The following GALNTL6 variants were observed in gnomAD, a reference collection of about 807,000 sequenced individuals.
GALNTL6 encodes polypeptide N-acetylgalactosaminyltransferase like 6.
Under a neutral mutation model 73.7 loss-of-function variants are expected in GALNTL6, and 46 were observed. That is an observed-to-expected ratio of 0.62 (90% CI 0.49 to 0.80). The LOEUF (loss-of-function observed/expected upper bound fraction) is 0.80, where lower values mean the gene tolerates loss of function less well. Ranked by LOEUF, GALNTL6 falls within the 30% of genes least tolerant of loss-of-function variation. The probability of loss-of-function intolerance (pLI) is 0.00; values close to 1 mark genes in which losing one functional copy is unlikely to be tolerated. For synonymous variants in GALNTL6, 259 were observed against 263.7 expected (o/e 0.98, Z 0.17); for missense variants, 604 against 755.0 (o/e 0.80, Z 2.34).
chr4:172,821,844 A>C (rs1741946589), intron 7 of GALNTL6, among the ~76,000 whole-genome samples: 1 of 152,230 alleles, frequency 6.6e-6, no homozygotes, highest in South Asian at 2.1e-4. Context: ...TGTAAAGTAA[A>C]ATAGTATAAC....
At chr4:172,927,000 C>T (rs979800028) in intron 8 of GALNTL6, among the ~76,000 whole-genome samples, 1 of 152,162 alleles carries the variant, frequency 6.6e-6, no homozygotes, top group African/African-American at 2.4e-5. Flanking sequence ...TTTTCTATTG[C>T]TTGTCTCACA....
At chr4:172,331,843 A>G (rs1741136744) in intron 4 of GALNTL6, among the ~76,000 whole-genome samples, 1 of 152,194 alleles carries the variant, frequency 6.6e-6, no homozygotes, top group Non-Finnish European at 1.5e-5. Context: ...TAAATATAAG[A>G]ATGCTAATGT....
intron 5 of GALNTL6, among the ~76,000 whole-genome samples, chr4:172,683,361 G>C (rs909580829): frequency 1.3e-5 from 2 of 152,094 alleles, no homozygotes; most frequent in South Asian, 4.2e-4. Context: ...AATGAGAAAT[G>C]GTTTATCATG....
chr4:172,932,245 G>A (rs978560657), intron 9 of GALNTL6, among the ~76,000 whole-genome samples: 1 of 152,224 alleles, frequency 6.6e-6, no homozygotes, highest in Non-Finnish European at 1.5e-5. Flanking sequence ...GTTAGTTACC[G>A]CTGTACTCTC....
chr4:172,226,175 CTT>C (rs374623905), intron 2 of GALNTL6, among the ~76,000 whole-genome samples: 63 of 152,304 alleles, frequency 4.1e-4, no homozygotes, highest in Admixed American at 2.2e-3. Flanking sequence ...CTGTGTCAAT[CTT>C]TTATTTTCAT....
At chr4:172,301,032 A>G (rs1292346170) in intron 3 of GALNTL6, among the ~76,000 whole-genome samples, 1 of 152,118 alleles carries the variant, frequency 6.6e-6, no homozygotes, top group East Asian at 1.9e-4. Flanking sequence ...GTCTTTTCAC[A>G]TAGTCCCATA....
intron 3 of GALNTL6, among the ~76,000 whole-genome samples, chr4:172,235,169 T>C (rs1737198880): frequency 6.7e-6 from 1 of 150,074 alleles, no homozygotes; most frequent in South Asian, 2.1e-4. Flanking sequence ...TTTTTTTTTC[T>C]TTTTGCTTTC....
At chr4:172,531,957 T>C (rs1424530672) in intron 5 of GALNTL6, among the ~76,000 whole-genome samples, 1 of 152,152 alleles carries the variant, frequency 6.6e-6, no homozygotes, top group Non-Finnish European at 1.5e-5. Flanking sequence ...GATAAAGTTA[T>C]TAAGAGTTTC....
chr4:172,025,683 T>A (rs927273805), intron 2 of GALNTL6, among the ~76,000 whole-genome samples: 2 of 152,054 alleles, frequency 1.3e-5, no homozygotes, highest in African/African-American at 4.8e-5. Context: ...AATAAGAATT[T>A]AATAACTGCT....
chr4:172,730,494 G>T (rs1046991131), intron 5 of GALNTL6, among the ~76,000 whole-genome samples: 1 of 152,056 alleles, frequency 6.6e-6, no homozygotes, highest in Non-Finnish European at 1.5e-5. Context: ...TAATCATATG[G>T]TTTTGTTCAT....
chr4:173,014,631 T>G (rs1016649531), intron 11 of GALNTL6, among the ~76,000 whole-genome samples: 3 of 152,186 alleles, frequency 2.0e-5, no homozygotes, highest in Admixed American at 1.3e-4. Context: ...AACTGATGGG[T>G]GCAAACTGCA....
chr4:172,384,514 G>A (rs1743392412), intron 5 of GALNTL6, among the ~76,000 whole-genome samples: 1 of 151,206 alleles, frequency 6.6e-6, no homozygotes, highest in Non-Finnish European at 1.5e-5. Flanking sequence ...GTTTTGTCTA[G>A]CTAAAAGTCT....
At chr4:172,831,972 G>A (rs1299475325) in intron 7 of GALNTL6, among the ~76,000 whole-genome samples, 1 of 152,188 alleles carries the variant, frequency 6.6e-6, no homozygotes, top group African/African-American at 2.4e-5. Flanking sequence ...AATGTCTGTT[G>A]TGTGTAAGCC....
intron 10 of GALNTL6, among the ~76,000 whole-genome samples, chr4:172,962,618 C>G (rs781233564): frequency 6.6e-6 from 1 of 152,096 alleles, no homozygotes; most frequent in Non-Finnish European, 1.5e-5. Context: ...AACCACAAAC[C>G]TCCAGCAATG....
At chr4:171,932,095 C>G (rs1293816641) in intron 2 of GALNTL6, among the ~76,000 whole-genome samples, 1 of 152,046 alleles carries the variant, frequency 6.6e-6, no homozygotes, top group East Asian at 1.9e-4. Flanking sequence ...GGGGCTGCTT[C>G]CCTAGAGTTA....
intron 8 of GALNTL6, among the ~76,000 whole-genome samples, chr4:172,930,008 G>A (rs971747491): frequency 6.6e-6 from 1 of 152,142 alleles, no homozygotes; most frequent in African/African-American, 2.4e-5. Context: ...CAGGTGCGGT[G>A]GCTCACGCCT....
At chr4:171,924,276 G>A (rs1219894115) in intron 2 of GALNTL6, among the ~76,000 whole-genome samples, 3 of 151,688 alleles carry the variant, frequency 2.0e-5, no homozygotes, top group African/African-American at 7.3e-5. Flanking sequence ...ATAAATCAGG[G>A]AAGGAACATA....
rs546780835 is a variant in GALNTL6 at position 172,899,697 on chromosome 4, T to A, written c.1041+16790T>A. ...TAGAGTACAGTGAAAGCAAGTTTAT[T>A]AAGAAAGTAAAGGAATAAAAGAATG... On this transcript the variant is annotated intron_variant, in intron 8 of 12. Transcript: ENST00000506823. 8.5e-5 allele frequency among the ~76,000 whole-genome samples: 13 copies of A among 152,290 alleles called. No homozygotes were observed. In the South Asian group the frequency reaches 2.7e-3, roughly 32 times the overall value.
intron 2 of GALNTL6, among the ~76,000 whole-genome samples, chr4:172,120,759 T>A (rs1033055481): frequency 3.3e-5 from 5 of 151,992 alleles, no homozygotes; most frequent in African/African-American, 9.7e-5. Flanking sequence ...GAGTTGCCAA[T>A]GTTTAGGGTC....
Sources: gnomAD v4.1 joint callset for allele counts (sites outside exome capture counted in the v4.1 genomes callset) on GRCh38, gnomAD v4.1.1 for gene constraint, MANE v1.5 for transcripts, NCBI Gene and HGNC (gene_info 2026-07-23, HGNC 2026-07-21) for gene names.